Variants in LPP observed in about 807,000 individuals in gnomAD.
LPP encodes lipoma-preferred partner.
LPP carries 38 observed loss-of-function variants against 60.4 expected under a neutral mutation model. The observed-to-expected ratio is 0.63, with a 90% CI of 0.49 to 0.83. The LOEUF is 0.83. Among genes scored for constraint, LPP ranks in the 40% least tolerant of loss-of-function variants. LPP has a pLI of 0.00. For missense variants in LPP, 902 were observed against 783.6 expected, an observed-to-expected ratio of 1.15 and a Z score of -1.80; for synonymous variants, 328 against 290.8, an observed-to-expected ratio of 1.13 and a Z score of -1.30.
chr3:188,729,926 G>A (rs1316189445), intron 8 of LPP, among the ~76,000 whole-genome samples: 4 of 152,004 alleles, frequency 2.6e-5, no homozygotes, highest in Non-Finnish European at 5.9e-5. Context: ...ATTTTTGGTG[G>A]CTGCAGTGAG....
chr3:188,238,203 G>C (rs1270008982), intron 2 of LPP, among the ~76,000 whole-genome samples: 1 of 152,110 alleles, frequency 6.6e-6, no homozygotes, highest in East Asian at 1.9e-4. Flanking sequence ...TCATAGAATT[G>C]AACAGAGTTA....
intron 2 of LPP, among the ~76,000 whole-genome samples, chr3:188,271,213 G>A (rs1737619659): frequency 1.3e-5 from 2 of 152,158 alleles, no homozygotes; most frequent in Non-Finnish European, 2.9e-5. Flanking sequence ...TTCTTGCTCG[G>A]GGTAGAGAAG....
intron 6 of LPP, among the ~76,000 whole-genome samples, chr3:188,563,014 A>C (rs145493596): frequency 6.6e-6 from 1 of 151,892 alleles, no homozygotes; most frequent in Non-Finnish European, 1.5e-5. Context: ...TCATTATCAC[A>C]TCAAGTCTAG....
intron 4 of LPP, among the ~76,000 whole-genome samples, chr3:188,483,723 C>T (rs989453894): frequency 6.6e-5 from 10 of 152,074 alleles, no homozygotes; most frequent in East Asian, 3.8e-4. Context: ...AGGTTTTTCT[C>T]GGTATCCCAA....
At chr3:188,768,085 A>G (rs1408509806) in intron 9 of LPP, among the ~76,000 whole-genome samples, 3 of 152,166 alleles carry the variant, frequency 2.0e-5, no homozygotes, top group Non-Finnish European at 2.9e-5. Context: ...TTAAAATTTT[A>G]TATGAGAGAC....
At chr3:188,549,297 C>G (rs892682738) in intron 6 of LPP, among the ~76,000 whole-genome samples, 2 of 151,888 alleles carry the variant, frequency 1.3e-5, no homozygotes, top group Non-Finnish European at 2.9e-5. Context: ...ATACATCATC[C>G]CCACCTGTAT....
intron 4 of LPP, among the ~76,000 whole-genome samples, chr3:188,461,748 T>C (rs746700265): frequency 1.3e-5 from 2 of 152,220 alleles, no homozygotes; most frequent in Non-Finnish European, 2.9e-5. Context: ...TATATATGCC[T>C]AGTCTTGCAA....
intron 5 of LPP, among the ~76,000 whole-genome samples, chr3:188,486,379 A>G (rs1806523651): frequency 1.3e-5 from 2 of 152,222 alleles, no homozygotes; most frequent in African/African-American, 4.8e-5. Flanking sequence ...GGAACGTAAA[A>G]GTTAGTGGGA....
At chr3:188,704,786 G>A (rs201915189) in intron 7 of LPP, among the ~76,000 whole-genome samples, 2 of 143,512 alleles carry the variant, frequency 1.4e-5, no homozygotes, top group African/African-American at 5.2e-5. Flanking sequence ...TTGTTGTTTT[G>A]TCAAAAGACA....
intron 1 of LPP, among the ~76,000 whole-genome samples, chr3:188,221,752 A>C (rs775863341): frequency 1.3e-5 from 2 of 152,202 alleles, no homozygotes; most frequent in African/African-American, 2.4e-5. Context: ...AGAATTCAGG[A>C]AAGATTTACT....
At chr3:188,843,583 C>G (rs6797764) in intron 9 of LPP, among the ~76,000 whole-genome samples, 115,719 of 150,304 alleles carry the variant, frequency 0.77, 45,549 homozygotes, top group African/African-American at 0.93. Context: ...GTCAGGAGAT[C>G]GAGACCATCC....
At chr3:188,721,682 T>C (rs895192596) in intron 8 of LPP, among the ~76,000 whole-genome samples, 1 of 152,210 alleles carries the variant, frequency 6.6e-6, no homozygotes, top group African/African-American at 2.4e-5. Flanking sequence ...AGAAATGGTG[T>C]CCTCAAGCTT....
chr3:188,836,454 G>A (rs559198811), intron 9 of LPP, among the ~76,000 whole-genome samples: 1 of 152,240 alleles, frequency 6.6e-6, no homozygotes, highest in Non-Finnish European at 1.5e-5. Flanking sequence ...ATCCTGTATG[G>A]AGTTCCCTCT....
At chr3:188,753,022 TCCTAAACAATA>T (rs1577346892) in intron 8 of LPP, among the ~76,000 whole-genome samples, 1 of 152,306 alleles carries the variant, frequency 6.6e-6, no homozygotes, top group East Asian at 1.9e-4. Flanking sequence ...TGGGTTCTGC[TCCTAAACAATA>T]CTGATATAGG....
At chr3:188,317,934 A>G (rs1280213931) in intron 2 of LPP, among the ~76,000 whole-genome samples, 1 of 152,206 alleles carries the variant, frequency 6.6e-6, no homozygotes, top group Admixed American at 6.5e-5. Flanking sequence ...TCTGGAGACA[A>G]GAGAAGAAAG....
chr3:188,235,057 G>A (rs569926773), intron 2 of LPP, among the ~76,000 whole-genome samples: 14 of 152,340 alleles, frequency 9.2e-5, no homozygotes, highest in Admixed American at 7.8e-4. Context: ...AAGGAAGAGG[G>A]CATTTTAGGA....
At chr3:188,500,198 C>T (rs1811423395) in intron 5 of LPP, among the ~76,000 whole-genome samples, 2 of 151,608 alleles carry the variant, frequency 1.3e-5, no homozygotes, top group Non-Finnish European at 2.9e-5. Flanking sequence ...AGCTTTCAGT[C>T]TTTTATCATT....
At chr3:188,332,578 A>T (rs1760414974) in intron 2 of LPP, among the ~76,000 whole-genome samples, 1 of 152,198 alleles carries the variant, frequency 6.6e-6, no homozygotes, top group African/African-American at 2.4e-5. Context: ...CAGATGCTGG[A>T]TAGACTTTGG....
chr3:188,499,819 T>A (rs1447429174), intron 5 of LPP, among the ~76,000 whole-genome samples: 2 of 152,192 alleles, frequency 1.3e-5, no homozygotes, highest in Admixed American at 1.3e-4. Context: ...TTCAAGGCTT[T>A]TAACTATTTA....
Sources: allele counts gnomAD v4.1 joint callset (sites outside exome capture counted in the v4.1 genomes callset), GRCh38; gene constraint gnomAD v4.1.1; transcripts MANE v1.5; gene names NCBI Gene and HGNC (gene_info 2026-07-23, HGNC 2026-07-21).